GNA13: variants seen among roughly 807,000 people sequenced by gnomAD.
GNA13 encodes the protein G protein subunit alpha 13.
In GNA13, 4 loss-of-function variants were observed where a neutral mutation model predicts 33.5. That is an observed-to-expected ratio of 0.12 (90% confidence interval 0.06 to 0.27). The LOEUF (loss-of-function observed/expected upper bound fraction) is 0.27, where lower values mean the gene tolerates loss of function less well. Ranked by LOEUF, GNA13 falls within the 10% of genes least tolerant of loss-of-function variation. GNA13 has a pLI of 1.00. For synonymous variants in GNA13, 176 were observed against 183.8 expected (o/e 0.96, Z 0.34); for missense variants, 319 against 487.2 (o/e 0.65, Z 3.25).
intron 3 of GNA13, among the ~76,000 whole-genome samples, chr17:65,016,423 G>T (rs544537306): frequency 6.6e-6 from 1 of 152,084 alleles, no homozygotes; most frequent in African/African-American, 2.4e-5. Context: ...GTGCAGTGGC[G>T]GAATCTCGGC....
rs60016836 is a variant in GNA13 at position 65,027,253 on chromosome 17, C to G, written c.511-8950G>C. 6.1e-3 allele frequency among the ~76,000 whole-genome samples: 924 copies of G among 151,912 alleles called. 43 individuals are homozygous for G. The highest frequency in any genetic ancestry group is 0.051 in the Admixed American group (778 of 15,262). On this transcript the variant is annotated intron_variant, in intron 2 of 3. Coordinates refer to ENST00000439174, the MANE Select transcript of GNA13 (RefSeq NM_006572.6). ...AAATCCAAAGTGCACCTGTCTTTCT[C>G]AAATCATCCAGATTTATTTATATAG... is the stretch of plus-strand genomic sequence containing the variant.
intron 2 of GNA13, among the ~76,000 whole-genome samples, chr17:65,031,915 AGAGAGAGTGTGTGTGTGTGTGT>A (rs1168925290): frequency 9.1e-5 from 12 of 131,368 alleles, no homozygotes; most frequent in African/African-American, 3.2e-4. Context: ...AGAGAGAGAG[AGAGAGAGTGTGTGTGTGTGTGT>A]GTGTGTGTGT....
At chr17:65,042,043 T>C in intron 2 of GNA13, among the ~76,000 whole-genome samples, 1 of 152,052 alleles carries the variant, frequency 6.6e-6, no homozygotes, top group East Asian at 1.9e-4. Context: ...TGTTTTCACT[T>C]GTTTAAAAAG....
rs967175045 is a variant in GNA13 at position 65,010,170 on chromosome 17, A to C, written c.*4087T>G. Among the ~76,000 whole-genome samples, 1 of 152,308 alleles carries C rather than the reference A, an allele frequency of 6.6e-6. No homozygotes were observed. The highest frequency in any genetic ancestry group is 2.4e-5 in the African/African-American group (1 of 41,552). On this transcript the variant is annotated 3_prime_UTR_variant, in exon 4 of 4. Transcript: ENST00000439174. ...ATGCTACAAGAGTGAACATAACTTA[A>C]ATGCTAACTACACGTTCAAGTACAG...
chr17:65,029,228 C>T (rs947621512), intron 2 of GNA13, among the ~76,000 whole-genome samples: 4 of 152,150 alleles, frequency 2.6e-5, no homozygotes, highest in Admixed American at 1.3e-4. Context: ...CTGACTATCT[C>T]CAACATTATC....
intron 1 of GNA13, chr17:65,055,618 GCA>G (rs1908019262): frequency 5.1e-6 from 5 of 985,272 alleles, no homozygotes; most frequent in Admixed American, 6.2e-5. Flanking sequence ...GGGCGAAAAA[GCA>G]CAGATGCTAC....
intron 1 of GNA13, among the ~76,000 whole-genome samples, chr17:65,054,512 A>G (rs577167640): frequency 6.6e-6 from 1 of 152,316 alleles, no homozygotes; most frequent in East Asian, 1.9e-4. Flanking sequence ...AGGTCTGGCT[A>G]TGTAGCCCAG....
At position 65,048,543 on chromosome 17, in the gene GNA13, A is replaced by G. The variant is rs113148774; in HGVS notation, c.510+4959T>C. Among the ~76,000 whole-genome samples, 441 of 152,370 alleles carry G rather than the reference A, an allele frequency of 2.9e-3. 4 individuals are homozygous for G. The highest frequency in any genetic ancestry group is 0.01 in the African/African-American group (424 of 41,590). ...AATAACTAGAAAGGTACCTTAAGTT[A>G]TAACGAGAATGTGAATCTTGTATTT... is the stretch of plus-strand genomic sequence containing the variant. On this transcript the variant is annotated intron_variant, in intron 2 of 3. Coordinates refer to ENST00000439174, the MANE Select transcript of GNA13 (RefSeq NM_006572.6).
chr17:65,048,866 G>A (rs998017044), intron 2 of GNA13, among the ~76,000 whole-genome samples: 5 of 152,068 alleles, frequency 3.3e-5, no homozygotes, highest in Admixed American at 1.3e-4. Flanking sequence ...TAGTTGAAAC[G>A]AAAAGGTTAA....
In GNA13 at chr17:65,013,692, A is replaced by G. The variant is rs1906268644; in HGVS notation, c.*565T>C. 1 of 208,674 alleles carries G rather than the reference A, an allele frequency of 4.8e-6. No homozygotes were observed. The highest frequency in any genetic ancestry group is 7.3e-5 in the East Asian group (1 of 13,736). 12.9% of individuals were successfully genotyped at this position (208,674 alleles called of 1,614,324 possible). A position where few individuals can be genotyped will look rare whatever the true frequency, so the allele number is the denominator to read the frequency against. On this transcript the variant is annotated 3_prime_UTR_variant, in exon 4 of 4. Transcript: ENST00000439174. The stretch of plus-strand genomic sequence containing the variant: ...TCAGAAACACAGAAATCTAAAAGCA[A>G]AACAGCTGTTGTGTATACAAGCAAT...
At chr17:65,035,524 A>C (rs1037314963) in intron 2 of GNA13, among the ~76,000 whole-genome samples, 9 of 152,148 alleles carry the variant, frequency 5.9e-5, no homozygotes, top group African/African-American at 1.9e-4. Flanking sequence ...TTTACAATGA[A>C]CCATGTATGT....
intron 2 of GNA13, among the ~76,000 whole-genome samples, chr17:65,044,924 T>C (rs906598554): frequency 1.3e-5 from 2 of 150,460 alleles, no homozygotes; most frequent in African/African-American, 4.9e-5. Flanking sequence ...ATACCTGTAA[T>C]CCCAGGTACT....
intron 2 of GNA13, among the ~76,000 whole-genome samples, chr17:65,042,947 A>G (rs1907515610): frequency 6.6e-6 from 1 of 152,198 alleles, no homozygotes; most frequent in African/African-American, 2.4e-5. Context: ...CATAAAGCCC[A>G]TTAGGAATAT....
chr17:65,031,888 G>GAC (rs1555601937), intron 2 of GNA13, among the ~76,000 whole-genome samples: 1 of 107,010 alleles, frequency 9.3e-6, no homozygotes, highest in South Asian at 3.4e-4. Flanking sequence ...GAGAGAGAGA[G>GAC]AGAGAGAAAG....
intron 2 of GNA13, among the ~76,000 whole-genome samples, chr17:65,045,459 A>G (rs1907624315): frequency 7.4e-6 from 1 of 135,666 alleles, no homozygotes; most frequent in Non-Finnish European, 1.6e-5. Context: ...AGATGCAATG[A>G]GCTGGGATCA....
At chr17:65,042,960 A>G (rs1163437322) in intron 2 of GNA13, among the ~76,000 whole-genome samples, 1 of 152,182 alleles carries the variant, frequency 6.6e-6, no homozygotes, top group African/African-American at 2.4e-5. Context: ...AGGAATATTA[A>G]TAACTAATAT....
chr17:65,031,936 G>T (rs922806062), intron 2 of GNA13, among the ~76,000 whole-genome samples: 5 of 138,252 alleles, frequency 3.6e-5, no homozygotes, highest in African/African-American at 1.7e-4. Flanking sequence ...GTGTGTGTGT[G>T]TGTGTGTGTG....
chr17:65,014,394 T>G lies in GNA13; in HGVS notation c.997A>C (p.Lys333Gln). The G allele has an allele frequency of 6.2e-7, 1 of 1,614,160 alleles. No homozygotes were observed. The highest frequency in any genetic ancestry group is 8.5e-7 in the Non-Finnish European group (1 of 1,180,018). ...QKFLVECFRNKRRDQQQKPLY... is the reference protein window; with the variant it reads ...QKFLVECFRNQRRDQQQKPLY... ...GGCTTCTGTTGCTGGTCCCGGCGTT[T>G]GTTCCGGAAACATTCCACCAGGAAT... Residue 333 changes from lysine (K) to glutamine (Q), a missense_variant, in exon 4 of 4, where the codon AAA becomes CAA. Around this residue, in one of 4 missense-constraint regions of GNA13, gnomAD observed 134 missense variants for 241.3 expected, o/e 0.56. Transcript: ENST00000439174. The surrounding 1 kb of genome is among the most constrained non-coding windows in gnomAD (Gnocchi z 5.3).
At chr17:65,053,249 A>C in intron 2 of GNA13, 1 of 447,074 alleles carries the variant, frequency 2.2e-6, no homozygotes, top group Non-Finnish European at 4.0e-6. Flanking sequence ...TCAAGTCTAA[A>C]CTAGAAATTC....
Sources: gnomAD v4.1 joint callset for allele counts (sites outside exome capture counted in the v4.1 genomes callset) on GRCh38, gnomAD v4.1.1 for gene constraint, gnomAD v4.1.1 regional missense constraint, Gnocchi (gnomAD v3.1) non-coding constraint, MANE v1.5 for transcripts, NCBI Gene and HGNC (gene_info 2026-07-23, HGNC 2026-07-21) for gene names.